The following ACP7 variants were observed in gnomAD, a reference collection of about 807,000 sequenced individuals.
ACP7 encodes the protein acid phosphatase 7, tartrate resistant (putative), also known as acid phosphatase type 7.
ACP7 carries 58 observed loss-of-function variants against 60.6 expected under a neutral mutation model. The observed-to-expected ratio is 0.96, with a 90% confidence interval of 0.77 to 1.19. ACP7 has a LOEUF of 1.19. Ranked by LOEUF, ACP7 falls within the 50% of genes most tolerant of loss-of-function variation. The probability of loss-of-function intolerance (pLI) is 0.00; values close to 1 mark genes in which losing one functional copy is unlikely to be tolerated. For synonymous variants in ACP7, 237 were observed against 232.6 expected (o/e 1.02, Z -0.17); for missense variants, 574 against 596.2 (o/e 0.96, Z 0.39).
At chr19:39,089,878 C>G (rs193284123) in intron 2 of ACP7, among the ~76,000 whole-genome samples, 1 of 152,296 alleles carries the variant, frequency 6.6e-6, no homozygotes, top group African/African-American at 2.4e-5. Flanking sequence ...ATTGCTGTGA[C>G]TTATTGATGT....
chr19:39,102,781 TTCTCTCTCTC>T (rs1215908836), intron 11 of ACP7, among the ~76,000 whole-genome samples: 2 of 118,080 alleles, frequency 1.7e-5, no homozygotes, highest in Non-Finnish European at 1.8e-5. Flanking sequence ...CTCTCTCTCT[TTCTCTCTCTC>T]TCTTTCTTTC....
intron 11 of ACP7, among the ~76,000 whole-genome samples, chr19:39,104,328 T>C (rs891313771): frequency 5.9e-5 from 9 of 151,796 alleles, no homozygotes; most frequent in Non-Finnish European, 1.3e-4. Flanking sequence ...AGCACTTAGA[T>C]CGTGGGTCAT....
intron 2 of ACP7, among the ~76,000 whole-genome samples, chr19:39,087,781 G>A (rs755982260): frequency 4.6e-5 from 7 of 151,972 alleles, no homozygotes; most frequent in Non-Finnish European, 1.0e-4. Context: ...TTACAGGCAT[G>A]CACCACCACA....
chr19:39,087,303 C>T (rs911557668), intron 2 of ACP7, among the ~76,000 whole-genome samples: 1 of 152,012 alleles, frequency 6.6e-6, no homozygotes, highest in Non-Finnish European at 1.5e-5. Context: ...TGAGCCACCG[C>T]GCCCCGCCTA....
At chr19:39,093,158 C>CTTTCTT (rs2073225794) in intron 2 of ACP7, among the ~76,000 whole-genome samples, 1 of 69,610 alleles carries the variant, frequency 1.4e-5, no homozygotes, top group African/African-American at 6.8e-5. Context: ...CTTTCTTTCT[C>CTTTCTT]TTTCTTTCTT....
intron 2 of ACP7, 93 bp downstream of exon 2, chr19:39,085,483 C>T (rs2073131195): frequency 6.8e-7 from 1 of 1,463,940 alleles, no homozygotes; most frequent in Non-Finnish European, 9.1e-7. Flanking sequence ...CTGTGAGCCC[C>T]TAGGCGGGTG....
At chr19:39,108,265 G>A (rs1332803035) in intron 12 of ACP7, among the ~76,000 whole-genome samples, 1 of 150,978 alleles carries the variant, frequency 6.6e-6, no homozygotes, top group Admixed American at 6.7e-5. Context: ...TCAGCCTCCC[G>A]AGTAGCTGGG....
chr19:39,108,862 C>A (rs112640707), intron 12 of ACP7, among the ~76,000 whole-genome samples: 7 of 152,232 alleles, frequency 4.6e-5, no homozygotes, highest in African/African-American at 1.7e-4. Context: ...ACCCTGTCGC[C>A]CAGGCTAGAG....
At chr19:39,106,252 C>A (rs2073409697) in intron 11 of ACP7, among the ~76,000 whole-genome samples, 1 of 152,172 alleles carries the variant, frequency 6.6e-6, no homozygotes, top group South Asian at 2.1e-4. Context: ...CCAGTGATTT[C>A]TCTGTTCTTC....
chr19:39,088,553 A>G (rs1270537061), intron 2 of ACP7, among the ~76,000 whole-genome samples: 3 of 152,162 alleles, frequency 2.0e-5, no homozygotes, highest in African/African-American at 7.2e-5. Flanking sequence ...ACACTCTTAT[A>G]AGTGCTTTAG....
At chr19:39,094,360 G>A (rs112844747) in intron 2 of ACP7, among the ~76,000 whole-genome samples, 1,729 of 151,962 alleles carry the variant, frequency 0.011, 18 homozygotes, top group African/African-American at 0.038. Flanking sequence ...AAAATTAGCC[G>A]GGCATGGTGG....
In ACP7 at chr19:39,092,571, T is replaced by A. The variant is rs529282230; in HGVS notation, c.122-5887T>A. 5.9e-5 allele frequency among the ~76,000 whole-genome samples: 9 copies of A among 152,246 alleles called. No homozygotes were observed. The South Asian group carries it at 6.2e-4, about 11-fold the overall frequency. ...CATGTGGTTATGTTATGCTTTTTTT[T>A]AATCTGGTTAGGTCCACTTATTAGT... On this transcript the variant is annotated intron_variant, in intron 2 of 12. Coordinates refer to ENST00000331256, the MANE Select transcript of ACP7 (RefSeq NM_001004318.3).
intron 2 of ACP7, among the ~76,000 whole-genome samples, chr19:39,096,894 C>T (rs1287885598): frequency 3.9e-5 from 6 of 152,130 alleles, no homozygotes; most frequent in Non-Finnish European, 7.4e-5. Flanking sequence ...CTCCATCTCC[C>T]GGGTTCAAGT....
intron 11 of ACP7, among the ~76,000 whole-genome samples, chr19:39,106,305 G>A (rs945455480): frequency 6.6e-6 from 1 of 152,126 alleles, no homozygotes; most frequent in African/African-American, 2.4e-5. Flanking sequence ...CCATCTTTCT[G>A]TATCACCCCG....
chr19:39,110,479 C>G lies in ACP7; in HGVS notation c.*361C>G. On this transcript the variant is annotated 3_prime_UTR_variant, in exon 13 of 13. Coordinates refer to ENST00000331256, the MANE Select transcript of ACP7 (RefSeq NM_001004318.3). Reference sequence around the variant, plus strand: ...GGATTCTGCACATCTGCGGGGGATGCCGCTGGGCTTCCTCCTCTCCTGCCC... The same window carrying G: ...GGATTCTGCACATCTGCGGGGGATGGCGCTGGGCTTCCTCCTCTCCTGCCC... 1 of 187,840 alleles carries G rather than the reference C, an allele frequency of 5.3e-6. No individual in the cohort carries two copies. The highest frequency in any genetic ancestry group is 1.1e-5 in the Non-Finnish European group (1 of 91,102). 11.6% of individuals were successfully genotyped at this position (187,840 alleles called of 1,614,324 possible). A position where few individuals can be genotyped will look rare whatever the true frequency, so the allele number is the denominator to read the frequency against.
chr19:39,098,964 T>A lies in ACP7; in HGVS notation c.327T>A (p.Tyr109Ter). The A allele has an allele frequency of 6.2e-7, 1 of 1,608,598 alleles. No individual in the cohort carries two copies. The highest frequency in any genetic ancestry group is 8.5e-7 in the Non-Finnish European group (1 of 1,177,580). ...RKLLPGVQYV[Y>*]RCGSAQGWSR... ...ACCTTTTCCTCTCCCATTCAGTTTA[T>A]CGCTGTGGCAGTGCGCAGGGCTGGA... The change falls in exon 4 of 13, where the codon TAT (tyrosine) becomes TAA (stop). Residue 109 changes from tyrosine (Y) to a stop codon, truncating the protein, a stop_gained. Transcript: ENST00000331256. LOFTEE classifies it high-confidence loss of function.
At chr19:39,086,641 A>AGGGGGG (rs34365418) in intron 2 of ACP7, among the ~76,000 whole-genome samples, 13 of 75,158 alleles carry the variant, frequency 1.7e-4, no homozygotes, top group Non-Finnish European at 2.3e-4. Context: ...AAAAAAAAAA[A>AGGGGGG]GGGGGGGGGG....
intron 2 of ACP7, among the ~76,000 whole-genome samples, chr19:39,092,068 T>A (rs1160290408): frequency 6.6e-6 from 1 of 152,068 alleles, no homozygotes; most frequent in East Asian, 1.9e-4. Flanking sequence ...GATATATTTA[T>A]TTGTTTAATC....
chr19:39,103,548 C>T (rs1396395312), intron 11 of ACP7, among the ~76,000 whole-genome samples: 1 of 145,510 alleles, frequency 6.9e-6, no homozygotes, highest in African/African-American at 2.6e-5. Flanking sequence ...AAATTTTGGC[C>T]ACATGCAGTG....
Sources: gnomAD v4.1 joint callset for allele counts (sites outside exome capture counted in the v4.1 genomes callset) on GRCh38, gnomAD v4.1.1 for gene constraint, MANE v1.5 for transcripts, NCBI Gene and HGNC (gene_info 2026-07-23, HGNC 2026-07-21) for gene names.